ELMO1: variants seen among roughly 807,000 people sequenced by gnomAD.
ELMO1 encodes the protein engulfment and cell motility protein 1.
Under a neutral mutation model 98.9 loss-of-function variants are expected in ELMO1, and 26 were observed. The ratio of observed to expected loss-of-function variants is 0.26; its 90% confidence interval spans 0.19 to 0.36. ELMO1 has a LOEUF of 0.36. Among genes scored for constraint, ELMO1 ranks in the 10% least tolerant of loss-of-function variants. The pLI, the probability that ELMO1 is intolerant of heterozygous loss-of-function variation, is 1.00. For synonymous variants in ELMO1, 346 were observed against 346.0 expected (o/e 1.00, Z 0.00); for missense variants, 627 against 935.2 (o/e 0.67, Z 4.30).
chr7:37,267,038 TACACACACACACACACACACACACAC>T (rs60344761), intron 5 of ELMO1, among the ~76,000 whole-genome samples: 5 of 100,356 alleles, frequency 5.0e-5, no homozygotes, highest in African/African-American at 1.1e-4. Flanking sequence ...TATGTATATA[TACACACACACACACACACACACACAC>T]ACACACACAC....
intron 13 of ELMO1, among the ~76,000 whole-genome samples, chr7:37,185,087 G>A (rs1046419352): frequency 2.6e-5 from 4 of 152,242 alleles, no homozygotes; most frequent in African/African-American, 7.2e-5. Flanking sequence ...CTCTCATCAC[G>A]TCATTAAAAA....
At chr7:37,098,356 G>A (rs1287457377) in intron 14 of ELMO1, among the ~76,000 whole-genome samples, 1 of 152,170 alleles carries the variant, frequency 6.6e-6, no homozygotes, top group African/African-American at 2.4e-5. Flanking sequence ...AAACAAAAGA[G>A]GTAGTTACAG....
chr7:37,082,980 T>G (rs778212689), intron 15 of ELMO1, among the ~76,000 whole-genome samples: 1 of 152,228 alleles, frequency 6.6e-6, no homozygotes, highest in African/African-American at 2.4e-5. Context: ...ATAACTAATG[T>G]AGTGGTTACA....
chr7:37,023,927 T>C (rs1225506039), intron 15 of ELMO1, among the ~76,000 whole-genome samples: 1 of 152,126 alleles, frequency 6.6e-6, no homozygotes, highest in African/African-American at 2.4e-5. Context: ...TATTGAAGGG[T>C]ACTGCAGATG....
chr7:37,040,837 G>A (rs756381182), intron 15 of ELMO1, among the ~76,000 whole-genome samples: 1 of 152,166 alleles, frequency 6.6e-6, no homozygotes, highest in Non-Finnish European at 1.5e-5. Context: ...AGCACTTTGG[G>A]AGGCCGAGGT....
chr7:37,367,126 A>C (rs1801936603), intron 1 of ELMO1, among the ~76,000 whole-genome samples: 1 of 152,048 alleles, frequency 6.6e-6, no homozygotes, highest in Non-Finnish European at 1.5e-5. Flanking sequence ...GACACACCAC[A>C]CTGTCATTCA....
At chr7:37,122,593 T>C (rs545336653) in intron 14 of ELMO1, among the ~76,000 whole-genome samples, 16 of 152,308 alleles carry the variant, frequency 1.1e-4, no homozygotes, top group African/African-American at 3.8e-4. Context: ...TTAACGATCC[T>C]AAATATATAT....
intron 6 of ELMO1, among the ~76,000 whole-genome samples, chr7:37,256,576 A>AGGG (rs1318450808): frequency 2.1e-5 from 2 of 93,970 alleles, no homozygotes; most frequent in African/African-American, 4.8e-5. Context: ...GGAAGGAAGG[A>AGGG]AAGGAGGGAG....
intron 2 of ELMO1, 82 bp from the exon 3 acceptor site, chr7:37,316,042 G>C (rs1799137354): frequency 4.6e-6 from 5 of 1,093,856 alleles, no homozygotes; most frequent in Non-Finnish European, 5.4e-6. Context: ...TTCATAAAAA[G>C]ATTATCTAAG....
At chr7:37,079,097 T>TA (rs1158479407) in intron 15 of ELMO1, among the ~76,000 whole-genome samples, 3 of 152,202 alleles carry the variant, frequency 2.0e-5, no homozygotes, top group Non-Finnish European at 4.4e-5. Flanking sequence ...AGGAAATTAT[T>TA]AAGATGTGTG....
chr7:36,929,934 G>C (rs1785898155), intron 16 of ELMO1, among the ~76,000 whole-genome samples: 1 of 152,200 alleles, frequency 6.6e-6, no homozygotes, highest in Non-Finnish European at 1.5e-5. Context: ...TGAATAGTCT[G>C]CTGCTCCATG....
At chr7:37,279,204 AAAACAAACAAAC>A (rs80120876) in intron 4 of ELMO1, among the ~76,000 whole-genome samples, 2 of 150,580 alleles carry the variant, frequency 1.3e-5, no homozygotes, top group Admixed American at 1.3e-4. Flanking sequence ...CTCCGTTTCA[AAAACAAACAAAC>A]AAACAAACAA....
At chr7:37,154,597 G>T (rs549989276) in intron 13 of ELMO1, among the ~76,000 whole-genome samples, 6 of 152,150 alleles carry the variant, frequency 3.9e-5, no homozygotes, top group African/African-American at 1.4e-4. Context: ...GAAAAAGAGC[G>T]AGAAGACAAG....
chr7:37,411,280 C>A (rs1196735966), intron 1 of ELMO1, among the ~76,000 whole-genome samples: 2 of 152,162 alleles, frequency 1.3e-5, no homozygotes, highest in Non-Finnish European at 2.9e-5. Flanking sequence ...TTACCGCTAG[C>A]CGTTGGTTTC....
chr7:37,263,081 G>A (rs1001397849), intron 5 of ELMO1, among the ~76,000 whole-genome samples: 4 of 152,100 alleles, frequency 2.6e-5, no homozygotes, highest in Non-Finnish European at 5.9e-5. Context: ...ATTGGATCCA[G>A]AACAGGCAGG....
chr7:37,423,817 G>A (rs990926453), intron 1 of ELMO1, among the ~76,000 whole-genome samples: 7 of 152,128 alleles, frequency 4.6e-5, no homozygotes, highest in South Asian at 2.1e-4. Context: ...GATAGTGTCC[G>A]ATTCATTACC....
intron 1 of ELMO1, among the ~76,000 whole-genome samples, chr7:37,433,196 C>G (rs980869323): frequency 6.6e-6 from 1 of 152,162 alleles, no homozygotes; most frequent in African/African-American, 2.4e-5. Flanking sequence ...ACGAAGGAAC[C>G]ATTTTAAAGG....
chr7:37,127,480 T>C (rs1786608685), intron 14 of ELMO1, among the ~76,000 whole-genome samples: 1 of 152,184 alleles, frequency 6.6e-6, no homozygotes, highest in South Asian at 2.1e-4. Flanking sequence ...TACTGGCTGT[T>C]TGACAGACCA....
intron 1 of ELMO1, among the ~76,000 whole-genome samples, chr7:37,397,562 A>G (rs944572141): frequency 2.0e-5 from 3 of 152,234 alleles, no homozygotes; most frequent in Non-Finnish European, 2.9e-5. Flanking sequence ...ACCTCTGTGC[A>G]CCTCAGTTTC....
Sources: allele counts gnomAD v4.1 joint callset (sites outside exome capture counted in the v4.1 genomes callset), GRCh38; gene constraint gnomAD v4.1.1; transcripts MANE v1.5; gene names NCBI Gene and HGNC (gene_info 2026-07-23, HGNC 2026-07-21).